Variants in LOC122539214 observed in about 807,000 individuals in gnomAD.
At chr19:52,651,109 T>C in the LOC122539214 span, 1 of 152,220 alleles carries the variant, frequency 6.6e-6, no homozygotes, top group African/African-American at 2.4e-5. Flanking sequence ...AGATTGGTGA[T>C]ACTGACTTGT....
chr19:52,670,151 A>C, the LOC122539214 span, among the ~76,000 whole-genome samples: 1 of 151,442 alleles, frequency 6.6e-6, no homozygotes, highest in Non-Finnish European at 1.5e-5. Context: ...CACCTGCTCC[A>C]CCCTGCCTCA....
the LOC122539214 span, among the ~76,000 whole-genome samples, chr19:52,670,616 A>G: frequency 1.3e-5 from 2 of 152,196 alleles, no homozygotes; most frequent in African/African-American, 4.8e-5. Context: ...ATTTTAAAAT[A>G]TTTATTCTGC....
chr19:52,686,503 GAA>G, the LOC122539214 span, among the ~76,000 whole-genome samples: 417 of 143,948 alleles, frequency 2.9e-3, no homozygotes, highest in Non-Finnish European at 3.8e-3. Context: ...AAACCAGAAA[GAA>G]AAAAAAAAAG....
chr19:52,684,661 G>A, the LOC122539214 span, among the ~76,000 whole-genome samples: 1 of 152,096 alleles, frequency 6.6e-6, no homozygotes, highest in Non-Finnish European at 1.5e-5. Context: ...AACTTCAGAT[G>A]TGGGTGGGAG....
At chr19:52,676,538 G>T in the LOC122539214 span, among the ~76,000 whole-genome samples, 1 of 151,900 alleles carries the variant, frequency 6.6e-6, no homozygotes, top group Admixed American at 6.6e-5. Context: ...GCCCCGTCTG[G>T]GAGGGAGGTG....
the LOC122539214 span, among the ~76,000 whole-genome samples, chr19:52,684,051 T>C: frequency 6.6e-6 from 1 of 152,058 alleles, no homozygotes; most frequent in Non-Finnish European, 1.5e-5. Flanking sequence ...CATGCCAACA[T>C]GGTGAAACCC....
At chr19:52,674,766 C>T in the LOC122539214 span, among the ~76,000 whole-genome samples, 1 of 152,146 alleles carries the variant, frequency 6.6e-6, no homozygotes, top group Non-Finnish European at 1.5e-5. Context: ...TGATTAAAAA[C>T]ATAGAGATAC....
chr19:52,680,562 AT>A, the LOC122539214 span, among the ~76,000 whole-genome samples: 1 of 147,778 alleles, frequency 6.8e-6, no homozygotes, highest in African/African-American at 2.5e-5. Flanking sequence ...ATTTTGGCAC[AT>A]TTTTTCTCCA....
At chr19:52,653,941 A>G in the LOC122539214 span, 11 of 1,154,068 alleles carry the variant, frequency 9.5e-6, no homozygotes, top group Non-Finnish European at 1.4e-5. Flanking sequence ...GATTTGTGTC[A>G]ATAATGAAGA....
At chr19:52,690,182 GA>G in the LOC122539214 span, among the ~76,000 whole-genome samples, 77,077 of 132,012 alleles carry the variant, frequency 0.58, 21,431 homozygotes, top group African/African-American at 0.65. Context: ...ATGATTTTGA[GA>G]AAAAAAAAAA....
the LOC122539214 span, chr19:52,653,921 G>C: frequency 9.7e-7 from 1 of 1,029,770 alleles, no homozygotes; most frequent in Non-Finnish European, 1.5e-6. Flanking sequence ...TCTCTCATGT[G>C]TTCTTCCTGG....
the LOC122539214 span, among the ~76,000 whole-genome samples, chr19:52,685,587 G>A: frequency 4.6e-5 from 7 of 152,014 alleles, no homozygotes; most frequent in African/African-American, 1.2e-4. Flanking sequence ...AGACGTAAGC[G>A]AACTGTTTCA....
chr19:52,675,820 T>G, the LOC122539214 span, among the ~76,000 whole-genome samples: 1 of 152,120 alleles, frequency 6.6e-6, no homozygotes, highest in Non-Finnish European at 1.5e-5. Context: ...TGGACGAAAG[T>G]GGAACTAATT....
the LOC122539214 span, chr19:52,653,162 T>C: frequency 6.7e-7 from 1 of 1,488,556 alleles, no homozygotes; most frequent in Non-Finnish European, 9.3e-7. Context: ...TTTTCTCCGG[T>C]ATGAAGTCTA....
chr19:52,654,858 A>C, the LOC122539214 span: 1 of 153,502 alleles, frequency 6.5e-6, no homozygotes, highest in Non-Finnish European at 1.4e-5. Flanking sequence ...TCACAGTACC[A>C]GTGAGAGATG....
At chr19:52,686,057 A>AT in the LOC122539214 span, among the ~76,000 whole-genome samples, 6 of 152,192 alleles carry the variant, frequency 3.9e-5, no homozygotes, top group Non-Finnish European at 7.3e-5. Context: ...AACAAATGAC[A>AT]TAAGGAAAGA....
chr19:52,687,616 GTA>G, the LOC122539214 span, among the ~76,000 whole-genome samples: 2,292 of 15,818 alleles, frequency 0.14, 541 homozygotes, highest in Middle Eastern at 0.31. Context: ...TATATAATGT[GTA>G]TATATATATA....
At chr19:52,653,408 C>G in the LOC122539214 span, 1 of 887,390 alleles carries the variant, frequency 1.1e-6, no homozygotes, top group Non-Finnish European at 1.8e-6. Context: ...TAAGGTTTCT[C>G]TTCAGTATGA....
the LOC122539214 span, among the ~76,000 whole-genome samples, chr19:52,681,964 C>G: frequency 6.6e-6 from 1 of 152,160 alleles, no homozygotes; most frequent in Non-Finnish European, 1.5e-5. Flanking sequence ...TCTCCTGCCT[C>G]AGCCTCCCAA....
Sources: allele counts gnomAD v4.1 joint callset (sites outside exome capture counted in the v4.1 genomes callset), GRCh38; gene constraint gnomAD v4.1.1; transcripts MANE v1.5.